RAB14: variants seen among roughly 807,000 people sequenced by gnomAD.
RAB14 encodes ras-related protein Rab-14.
In RAB14, 3 loss-of-function variants were observed where a neutral mutation model predicts 31.1. That is an observed-to-expected ratio of 0.10 (90% CI 0.04 to 0.25). The LOEUF is 0.25. RAB14 is among the 10% of genes least tolerant of loss of function. The pLI, the probability that RAB14 is intolerant of heterozygous loss-of-function variation, is 1.00. For missense variants in RAB14, 111 were observed against 260.1 expected (o/e 0.43, Z 3.94); for synonymous variants, 85 against 84.9 (o/e 1.00, Z 0.00).
chr9:121,198,052 TATATTC>T, intron 1 of RAB14, among the ~76,000 whole-genome samples: 1 of 149,386 alleles, frequency 6.7e-6, no homozygotes. Flanking sequence ...CACTCAACCC[TATATTC>T]ATATAATATG....
At chr9:121,184,664 A>G (rs2053650156) in intron 5 of RAB14, among the ~76,000 whole-genome samples, 1 of 152,178 alleles carries the variant, frequency 6.6e-6, no homozygotes, top group Non-Finnish European at 1.5e-5. Context: ...CCAAATAATC[A>G]TTTTTATCTG....
intron 6 of RAB14, 84 bp from the exon 7 acceptor site, chr9:121,183,044 C>T (rs1430997776): frequency 7.3e-7 from 1 of 1,374,792 alleles, no homozygotes; most frequent in Non-Finnish European, 1.0e-6. Flanking sequence ...AAAAAGTTTC[C>T]CATCAGTTTT....
At chr9:121,183,999 AC>A (rs551100171) in intron 5 of RAB14, among the ~76,000 whole-genome samples, 46 of 152,222 alleles carry the variant, frequency 3.0e-4, no homozygotes, top group Non-Finnish European at 5.9e-4. Context: ...TTTGAAAGCC[AC>A]TAGGTTCAAC....
rs2053608613 is a variant in RAB14, at chr9:121,178,288, T to C, written c.*3108A>G. On this transcript the variant is annotated 3_prime_UTR_variant, in exon 8 of 8. Transcript: ENST00000373840. ...AGGCATCTTTCAAAACAAAACTTGATTTCTTTTGTATTTACATTTTTTGTT... is the reference window on the plus strand; with the variant it reads ...AGGCATCTTTCAAAACAAAACTTGACTTCTTTTGTATTTACATTTTTTGTT... 6.6e-6 allele frequency: 1 copy of C among 152,226 alleles called. No homozygotes were observed. The highest frequency in any genetic ancestry group is 1.5e-5 in the Non-Finnish European group (1 of 68,040). 9.4% of individuals were successfully genotyped at this position (152,226 alleles called of 1,614,324 possible). A position where few individuals can be genotyped will look rare whatever the true frequency, so the allele number is the denominator to read the frequency against.
At chr9:121,185,341 C>T (rs1182031785) in intron 5 of RAB14, among the ~76,000 whole-genome samples, 1 of 152,150 alleles carries the variant, frequency 6.6e-6, no homozygotes, top group Non-Finnish European at 1.5e-5. Context: ...CTATAATACA[C>T]TCTCAAAACC....
chr9:121,187,055 ATAAT>A (rs1188447557), intron 4 of RAB14, 36 bp from the exon 5 acceptor site: 1 of 1,276,754 alleles, frequency 7.8e-7, no homozygotes, highest in Non-Finnish European at 1.1e-6. Context: ...TGACTGCCAT[ATAAT>A]TATAGAAAAA....
chr9:121,187,130 G>C, intron 4 of RAB14, 111 bp from the exon 5 acceptor site: 2 of 582,322 alleles, frequency 3.4e-6, no homozygotes, highest in Non-Finnish European at 5.4e-6. Context: ...ATTTTGCTTT[G>C]ACCAGTTACT....
At chr9:121,182,829 G>A in intron 7 of RAB14, 101 bp downstream of exon 7, 2 of 816,520 alleles carry the variant, frequency 2.4e-6, no homozygotes, top group South Asian at 2.8e-5. Context: ...TTTATAGATA[G>A]TACTTTATAT....
intron 7 of RAB14, among the ~76,000 whole-genome samples, chr9:121,182,462 A>T (rs1393133920): frequency 6.6e-6 from 1 of 152,256 alleles, no homozygotes; most frequent in Non-Finnish European, 1.5e-5. Context: ...TGATGGGTGT[A>T]CCACAGTTCA....
chr9:121,200,032 G>T (rs1291213889), intron 1 of RAB14, among the ~76,000 whole-genome samples: 1 of 152,180 alleles, frequency 6.6e-6, no homozygotes, highest in Non-Finnish European at 1.5e-5. Flanking sequence ...TTTAATCCTA[G>T]CAACAACTCT....
chr9:121,185,103 A>C (rs1424825529), intron 5 of RAB14, among the ~76,000 whole-genome samples: 1 of 152,180 alleles, frequency 6.6e-6, no homozygotes, highest in African/African-American at 2.4e-5. Flanking sequence ...AAACTCAAGA[A>C]ATTTTTTTTC....
At chr9:121,188,817 CA>C (rs1182233276) in intron 4 of RAB14, among the ~76,000 whole-genome samples, 1 of 151,984 alleles carries the variant, frequency 6.6e-6, no homozygotes, top group Non-Finnish European at 1.5e-5. Context: ...ATATAATGAA[CA>C]TATCATAAAG....
intron 1 of RAB14, among the ~76,000 whole-genome samples, chr9:121,200,637 G>A (rs964680348): frequency 2.0e-5 from 3 of 152,152 alleles, no homozygotes; most frequent in Admixed American, 1.3e-4. Context: ...AGTAAAAAAG[G>A]AATAAAGTTG....
chr9:121,197,553 A>G (rs938677548), intron 1 of RAB14, among the ~76,000 whole-genome samples: 2 of 152,214 alleles, frequency 1.3e-5, no homozygotes, highest in African/African-American at 4.8e-5. Context: ...TGTTGTGACA[A>G]AAATAGAATG....
rs1564317701 is a variant in RAB14 at position 121,180,197 on chromosome 9, G to A, written c.*1199C>T. ...ATATCTTAAGTTATTTCACTGTAGG[G>A]TTAAAAATGCACAATTTAAAATCCC... is the stretch of plus-strand genomic sequence containing the variant. On this transcript the variant is annotated 3_prime_UTR_variant, in exon 8 of 8. Transcript: ENST00000373840. 1 of 152,606 alleles carries A rather than the reference G, an allele frequency of 6.6e-6. No individual in the cohort carries two copies. The highest frequency in any genetic ancestry group is 1.5e-5 in the Non-Finnish European group (1 of 68,036). 9.5% of individuals were successfully genotyped at this position (152,606 alleles called of 1,614,324 possible). A position where few individuals can be genotyped will look rare whatever the true frequency, so the allele number is the denominator to read the frequency against.
intron 7 of RAB14, 100 bp downstream of exon 7, chr9:121,182,830 T>A: frequency 1.2e-6 from 1 of 822,850 alleles, no homozygotes; most frequent in East Asian, 3.0e-5. Flanking sequence ...TTATAGATAG[T>A]ACTTTATATG....
At chr9:121,183,467 G>A in intron 5 of RAB14, 69 bp from the exon 6 acceptor site, 1 of 1,237,528 alleles carries the variant, frequency 8.1e-7, no homozygotes, top group South Asian at 1.3e-5. Context: ...TGCAAATTCT[G>A]AAATCCAAAA....
chr9:121,187,395 A>G (rs1257567248), intron 4 of RAB14, among the ~76,000 whole-genome samples: 2 of 152,130 alleles, frequency 1.3e-5, no homozygotes, highest in African/African-American at 2.4e-5. Context: ...CAAAGCACAA[A>G]GTTGTATCAA....
At chr9:121,182,317 G>C (rs2132021449) in intron 7 of RAB14, among the ~76,000 whole-genome samples, 1 of 152,290 alleles carries the variant, frequency 6.6e-6, no homozygotes, top group Non-Finnish European at 1.5e-5. Flanking sequence ...TCGGGTAATG[G>C]TGACATAATC....
Sources: allele counts gnomAD v4.1 joint callset (sites outside exome capture counted in the v4.1 genomes callset), GRCh38; gene constraint gnomAD v4.1.1; transcripts MANE v1.5; gene names NCBI Gene and HGNC (gene_info 2026-07-23, HGNC 2026-07-21).